Variants in DNAH14 observed in about 807,000 individuals in gnomAD.
DNAH14 encodes the protein dynein axonemal heavy chain 14.
Under a neutral mutation model 520.9 loss-of-function variants are expected in DNAH14, and 478 were observed. That is an observed-to-expected ratio of 0.92 (90% CI 0.85 to 0.99). DNAH14 has a LOEUF of 0.99. DNAH14 is among the 50% of genes least tolerant of loss of function. The pLI is 0.00. For synonymous variants in DNAH14, 1,581 were observed against 1,757.2 expected (o/e 0.90, Z 2.51); for missense variants, 4,831 against 5,234.5 (o/e 0.92, Z 2.38).
intron 10 of DNAH14, among the ~76,000 whole-genome samples, chr1:225,020,496 C>A (rs1320348259): frequency 6.6e-3 from 382 of 57,464 alleles, no homozygotes; most frequent in East Asian, 0.024. Flanking sequence ...GGCTCTGTCT[C>A]AAAAAAAAAA....
chr1:225,340,464 T>C lies in DNAH14; in HGVS notation c.10441T>C (p.Leu3481=), dbSNP rs1393790067. Residue 3481 remains leucine, a synonymous_variant, in exon 69 of 86, where the codon TTA becomes CTA. Coordinates refer to ENST00000682510, the MANE Select transcript of DNAH14 (RefSeq NM_001367479.1). ...TGCCTTTCTCATGTTCAGGTTATAC[T>C]TATCTACAGAAATAGACAACCCCCA... ...FEYNSNFRLY[L]STEIDNPHFL... 7.1e-6 allele frequency: 11 copies of C among 1,550,036 alleles called. No individual in the cohort carries two copies. Among genetic ancestry groups the C allele is most frequent in the Non-Finnish European group, 9.6e-6 (11 of 1,145,784 alleles).
chr1:225,203,451 C>T (rs902325413), intron 38 of DNAH14, among the ~76,000 whole-genome samples: 1 of 152,164 alleles, frequency 6.6e-6, no homozygotes, highest in Non-Finnish European at 1.5e-5. Flanking sequence ...TTAGAACCTA[C>T]ACTGTGCCCC....
At chr1:225,031,380 C>T (rs2066510728) in intron 11 of DNAH14, among the ~76,000 whole-genome samples, 2 of 151,976 alleles carry the variant, frequency 1.3e-5, no homozygotes, top group Admixed American at 6.6e-5. Context: ...ATAGCCACGC[C>T]CATTTGTTTA....
In DNAH14 at chr1:225,054,202, A is replaced by G. The variant is rs375630782; in HGVS notation, c.2424+2407A>G. ...GTAGGAACTGGAAGTAATTGAATAA[A>G]TAAAAGGCGTAGAAATATAAAAGCA... On this transcript the variant is annotated intron_variant, in intron 17 of 85. Coordinates refer to ENST00000682510, the MANE Select transcript of DNAH14 (RefSeq NM_001367479.1). Among the ~76,000 whole-genome samples the G allele has an allele frequency of 2.0e-5, 3 of 152,338 alleles. No homozygotes were observed. In the East Asian group the frequency reaches 5.8e-4, roughly 29 times the overall value.
At chr1:224,952,042 A>G (rs558594776) in intron 1 of DNAH14, among the ~76,000 whole-genome samples, 1 of 152,236 alleles carries the variant, frequency 6.6e-6, no homozygotes, top group African/African-American at 2.4e-5. Flanking sequence ...AACTTTTTCT[A>G]TTCTCCATTG....
intron 11 of DNAH14, among the ~76,000 whole-genome samples, chr1:225,025,623 T>C (rs2066049395): frequency 6.6e-6 from 1 of 151,350 alleles, no homozygotes; most frequent in Non-Finnish European, 1.5e-5. Flanking sequence ...GGCATGATGC[T>C]GCATGCCTGT....
intron 17 of DNAH14, among the ~76,000 whole-genome samples, chr1:225,065,351 A>C (rs1186209184): frequency 6.6e-6 from 1 of 152,022 alleles, no homozygotes; most frequent in Admixed American, 6.6e-5. Context: ...TTTTTATGAT[A>C]AAGACATTTG....
intron 42 of DNAH14, among the ~76,000 whole-genome samples, chr1:225,239,023 G>A (rs988846987): frequency 6.6e-6 from 1 of 152,140 alleles, no homozygotes; most frequent in Non-Finnish European, 1.5e-5. Context: ...CCTGCCCCCT[G>A]GGAATTTGGT....
intron 11 of DNAH14, among the ~76,000 whole-genome samples, chr1:225,036,936 C>T (rs2067019821): frequency 6.6e-6 from 1 of 152,028 alleles, no homozygotes; most frequent in South Asian, 2.1e-4. Context: ...TACAAGTGTT[C>T]TATCCTCTTG....
At chr1:225,382,089 G>C (rs1424956602) in intron 81 of DNAH14, among the ~76,000 whole-genome samples, 1 of 152,148 alleles carries the variant, frequency 6.6e-6, no homozygotes, top group Admixed American at 6.5e-5. Flanking sequence ...CTTAGGATTA[G>C]CACTGGCCTT....
At chr1:225,101,881 GGA>G (rs1285323674) in intron 23 of DNAH14, among the ~76,000 whole-genome samples, 1 of 149,896 alleles carries the variant, frequency 6.7e-6, no homozygotes, top group African/African-American at 2.5e-5. Flanking sequence ...ACCTAACAGT[GGA>G]ATTGCTGAAT....
chr1:225,070,381 G>A (rs2071416279), intron 17 of DNAH14, among the ~76,000 whole-genome samples: 1 of 152,134 alleles, frequency 6.6e-6, no homozygotes, highest in South Asian at 2.1e-4. Flanking sequence ...CCTTAGCTAT[G>A]TCTCAGAGAT....
At chr1:225,121,406 C>A (rs1430014472) in intron 26 of DNAH14, among the ~76,000 whole-genome samples, 1 of 152,138 alleles carries the variant, frequency 6.6e-6, no homozygotes, top group Non-Finnish European at 1.5e-5. Context: ...TTCCTCATCC[C>A]TCCCCACTTT....
At chr1:225,096,492 A>T (rs1368068342) in intron 21 of DNAH14, among the ~76,000 whole-genome samples, 1 of 152,176 alleles carries the variant, frequency 6.6e-6, no homozygotes, top group Non-Finnish European at 1.5e-5. Context: ...TTTTAGTATT[A>T]ATTTATTTTT....
In DNAH14 at chr1:225,374,775, T is replaced by C; in HGVS notation, c.12406T>C (p.Tyr4136His). The C allele has an allele frequency of 6.4e-7, 1 of 1,551,646 alleles. No homozygotes were observed. Among genetic ancestry groups the C allele is most frequent in the Non-Finnish European group, 8.7e-7 (1 of 1,146,974 alleles). Residue 4136 changes from tyrosine (Y) to histidine (H), a missense_variant, in exon 78 of 86, where the codon TAC becomes CAC. Tyr to His is a moderately conservative substitution (Grantham distance 83, BLOSUM62 2). Coordinates refer to ENST00000682510, the MANE Select transcript of DNAH14 (RefSeq NM_001367479.1). ...ALRYLIGEVI[Y>H]GGRVIDNWDK... ...GCGCTACCTGATTGGAGAAGTGATT[T>C]ACGGTGGCCGGGTGATTGATAATTG...
At chr1:225,266,224 G>T (rs926261333) in intron 48 of DNAH14, among the ~76,000 whole-genome samples, 1 of 152,216 alleles carries the variant, frequency 6.6e-6, no homozygotes, top group Non-Finnish European at 1.5e-5. Context: ...AAACCAGGGT[G>T]CATATGGAAT....
At chr1:225,068,686 G>A (rs1047644074) in intron 17 of DNAH14, among the ~76,000 whole-genome samples, 1 of 152,002 alleles carries the variant, frequency 6.6e-6, no homozygotes, top group Non-Finnish European at 1.5e-5. Flanking sequence ...TGTATTCCTA[G>A]GTATTTTATT....
intron 31 of DNAH14, 158 bp from the exon 32 acceptor site, chr1:225,151,847 A>G (rs1021370669): frequency 1.1e-5 from 8 of 736,244 alleles, no homozygotes; most frequent in Admixed American, 2.1e-5. Flanking sequence ...TGAGCCTCCT[A>G]TTTCTTCTTT....
At chr1:224,931,602 C>T (rs1055241771) in intron 1 of DNAH14, among the ~76,000 whole-genome samples, 1 of 152,092 alleles carries the variant, frequency 6.6e-6, no homozygotes, top group Non-Finnish European at 1.5e-5. Flanking sequence ...CTTCTCAGTC[C>T]GTGTTATCTA....
Sources: gnomAD v4.1 joint callset for allele counts (sites outside exome capture counted in the v4.1 genomes callset) on GRCh38, gnomAD v4.1.1 for gene constraint, MANE v1.5 for transcripts, NCBI Gene and HGNC (gene_info 2026-07-23, HGNC 2026-07-21) for gene names.